The following CSMD1 variants were observed in gnomAD, a reference collection of about 807,000 sequenced individuals.
CSMD1 encodes CUB and sushi domain-containing protein 1.
Under a neutral mutation model 417.5 loss-of-function variants are expected in CSMD1, and 213 were observed. The observed-to-expected ratio is 0.51, with a 90% confidence interval of 0.46 to 0.57. The LOEUF is 0.57. CSMD1 is among the 20% of genes least tolerant of loss of function. CSMD1 has a pLI of 0.00. For missense variants in CSMD1, 6,923 were observed against 4,529.7 expected, an observed-to-expected ratio of 1.53 and a Z score of -15.17; for synonymous variants, 2,862 against 1,736.8, an observed-to-expected ratio of 1.65 and a Z score of -16.11.
chr8:3,596,332 G>A (rs898044435), intron 8 of CSMD1, among the ~76,000 whole-genome samples: 7 of 152,164 alleles, frequency 4.6e-5, no homozygotes, highest in African/African-American at 1.7e-4. Context: ...GAGCTAACCA[G>A]GTACAGCATG....
intron 1 of CSMD1, among the ~76,000 whole-genome samples, chr8:4,863,948 TA>T (rs148485802): frequency 1.2e-3 from 101 of 84,268 alleles, no homozygotes; most frequent in African/African-American, 4.3e-3. Context: ...AATCCTAAAA[TA>T]AATGTCAAGA....
chr8:3,795,715 C>T (rs185002302), intron 5 of CSMD1, among the ~76,000 whole-genome samples: 2 of 23,786 alleles, frequency 8.4e-5, no homozygotes, highest in Non-Finnish European at 1.4e-4. Flanking sequence ...CTATCAAGTA[C>T]AGCTATAGAT....
At chr8:2,958,232 TCTAC>T (rs1385606951) in intron 62 of CSMD1, among the ~76,000 whole-genome samples, 2 of 152,308 alleles carry the variant, frequency 1.3e-5, no homozygotes, top group East Asian at 3.9e-4. Flanking sequence ...CCACCAAAAC[TCTAC>T]CTGTCTTTCT....
chr8:3,312,317 C>CT (rs1805413939), intron 23 of CSMD1, among the ~76,000 whole-genome samples: 1 of 152,124 alleles, frequency 6.6e-6, no homozygotes, highest in Admixed American at 6.5e-5. Context: ...CAGCTGTCTC[C>CT]TTTTTTTCTG....
chr8:3,460,826 G>A (rs180980641), intron 12 of CSMD1, among the ~76,000 whole-genome samples: 1 of 152,184 alleles, frequency 6.6e-6, no homozygotes, highest in African/African-American at 2.4e-5. Context: ...GGTAAGAACA[G>A]ACAATGCTGT....
At chr8:4,534,072 CACAATTATCTCA>C (rs1474569951) in intron 2 of CSMD1, among the ~76,000 whole-genome samples, 18 of 152,176 alleles carry the variant, frequency 1.2e-4, no homozygotes, top group Admixed American at 2.6e-4. Flanking sequence ...TATGTAAGGA[CACAATTATCTCA>C]ACAGATTATG....
intron 2 of CSMD1, among the ~76,000 whole-genome samples, chr8:4,632,170 G>C (rs1401149397): frequency 6.6e-6 from 1 of 152,204 alleles, no homozygotes; most frequent in East Asian, 1.9e-4. Flanking sequence ...TCCGTGCACA[G>C]TGGCAGGGAT....
chr8:4,255,100 T>A (rs2128834723), intron 3 of CSMD1, among the ~76,000 whole-genome samples: 1 of 152,282 alleles, frequency 6.6e-6, no homozygotes, highest in East Asian at 1.9e-4. Context: ...AACCCCTCGG[T>A]CTCTCTACTT....
At chr8:4,571,331 G>T (rs979320545) in intron 2 of CSMD1, among the ~76,000 whole-genome samples, 3 of 152,090 alleles carry the variant, frequency 2.0e-5, no homozygotes, top group Non-Finnish European at 4.4e-5. Context: ...CAGAGATTCT[G>T]GTACATTGTG....
At chr8:3,394,614 C>A (rs1164016674) in intron 17 of CSMD1, among the ~76,000 whole-genome samples, 1 of 82,358 alleles carries the variant, frequency 1.2e-5, no homozygotes, top group Admixed American at 1.7e-4. Context: ...TCAAGAAATT[C>A]TGGTGTAGAA....
chr8:4,410,972 G>T (rs1479384470), intron 3 of CSMD1, among the ~76,000 whole-genome samples: 3 of 152,114 alleles, frequency 2.0e-5, no homozygotes, highest in Non-Finnish European at 4.4e-5. Context: ...TTGAAACAGT[G>T]GATTGTTATA....
At chr8:4,356,764 C>T (rs560506681) in intron 3 of CSMD1, among the ~76,000 whole-genome samples, 2 of 152,240 alleles carry the variant, frequency 1.3e-5, no homozygotes, top group South Asian at 2.1e-4. Flanking sequence ...ATGACTGGAA[C>T]CGAGTTCTTC....
intron 37 of CSMD1, among the ~76,000 whole-genome samples, chr8:3,164,280 C>G (rs59555797): frequency 0.011 from 1,626 of 152,238 alleles, 36 homozygotes; most frequent in African/African-American, 0.036. Context: ...AGGAGGAGTG[C>G]CACGAACTTT....
At chr8:3,786,170 G>C (rs1226902279) in intron 5 of CSMD1, among the ~76,000 whole-genome samples, 1 of 152,100 alleles carries the variant, frequency 6.6e-6, no homozygotes, top group Non-Finnish European at 1.5e-5. Flanking sequence ...CCTGGTTTGG[G>C]GCCAGATTGG....
chr8:4,274,911 T>C (rs988703691), intron 3 of CSMD1, among the ~76,000 whole-genome samples: 4 of 152,182 alleles, frequency 2.6e-5, no homozygotes. Context: ...CAGAAGGAAA[T>C]GTTGTGTCTT....
chr8:3,633,112 TTTA>T (rs1471970355), intron 7 of CSMD1, among the ~76,000 whole-genome samples: 1 of 152,258 alleles, frequency 6.6e-6, no homozygotes, highest in African/African-American at 2.4e-5. Flanking sequence ...TGTTTTAACA[TTTA>T]TTTCTCTAAC....
chr8:4,262,467 ATAT>A, intron 3 of CSMD1, among the ~76,000 whole-genome samples: 1 of 152,288 alleles, frequency 6.6e-6, no homozygotes, highest in Admixed American at 6.5e-5. Flanking sequence ...GCAAAGACAG[ATAT>A]TATATTTCCC....
intron 5 of CSMD1, among the ~76,000 whole-genome samples, chr8:3,760,293 T>G (rs1797921081): frequency 6.6e-6 from 1 of 152,176 alleles, no homozygotes; most frequent in South Asian, 2.1e-4. Flanking sequence ...GAATACCAAA[T>G]TAAGCAATTT....
At chr8:4,925,064 G>C (rs1806761913) in intron 1 of CSMD1, among the ~76,000 whole-genome samples, 2 of 152,090 alleles carry the variant, frequency 1.3e-5, no homozygotes, top group South Asian at 4.1e-4. Flanking sequence ...AATAGTTTGG[G>C]TTGTTATCAA....
Sources: gnomAD v4.1 joint callset for allele counts (sites outside exome capture counted in the v4.1 genomes callset) on GRCh38, gnomAD v4.1.1 for gene constraint, MANE v1.5 for transcripts, NCBI Gene and HGNC (gene_info 2026-07-23, HGNC 2026-07-21) for gene names.